The following ADGRB3 variants were observed in gnomAD, a reference collection of about 807,000 sequenced individuals.
ADGRB3 encodes brain-specific angiogenesis inhibitor 3.
In ADGRB3, 37 loss-of-function variants were observed where a neutral mutation model predicts 193.4. The ratio of observed to expected loss-of-function variants is 0.19; its 90% CI spans 0.15 to 0.25. ADGRB3 has a LOEUF of 0.25. Ranked by LOEUF, ADGRB3 falls within the 10% of genes least tolerant of loss-of-function variation. The pLI, the probability that ADGRB3 is intolerant of heterozygous loss-of-function variation, is 1.00. For missense variants in ADGRB3, 1,637 were observed against 1,852.9 expected, an observed-to-expected ratio of 0.88 and a Z score of 2.14; for synonymous variants, 690 against 644.2, an observed-to-expected ratio of 1.07 and a Z score of -1.08.
chr6:68,831,842 C>G (rs1030677923), intron 3 of ADGRB3, among the ~76,000 whole-genome samples: 8 of 152,100 alleles, frequency 5.3e-5, no homozygotes, highest in Non-Finnish European at 1.2e-4. Flanking sequence ...CATTTTCATC[C>G]TTCCTTCATT....
In ADGRB3 at chr6:68,898,353, C is replaced by T. The variant is rs540307339; in HGVS notation, c.758-32206C>T. On this transcript the variant is annotated intron_variant, in intron 3 of 31. Transcript: ENST00000370598. Reference sequence around the variant, plus strand: ...CTCAATGAATTGGATAATGCCCACTCGAATTGGTGAGGGAAAATCTCTTTA... The same window carrying T: ...CTCAATGAATTGGATAATGCCCACTTGAATTGGTGAGGGAAAATCTCTTTA... 2.6e-5 allele frequency among the ~76,000 whole-genome samples: 4 copies of T among 152,138 alleles called. No homozygotes were observed. The East Asian group carries it at 7.7e-4, about 29-fold the overall frequency.
chr6:69,076,107 G>T, intron 17 of ADGRB3, 69 bp downstream of exon 17: 1 of 1,353,556 alleles, frequency 7.4e-7, no homozygotes, highest in Non-Finnish European at 1.0e-6. Flanking sequence ...TAGTTCAGCT[G>T]CCTGCTAGTT....
At chr6:69,148,141 A>G (rs758844179) in intron 17 of ADGRB3, among the ~76,000 whole-genome samples, 1 of 152,094 alleles carries the variant, frequency 6.6e-6, no homozygotes. Context: ...AATGTTATTG[A>G]TAAGTAAGGA....
In ADGRB3 at chr6:69,140,444, A is replaced by T. The variant is rs1774297447; in HGVS notation, c.2480+64406A>T. Among the ~76,000 whole-genome samples, 3 of 152,196 alleles carry T rather than the reference A, an allele frequency of 2.0e-5. 1 individual carries two copies. Among genetic ancestry groups the T allele is most frequent in the African/African-American group, 7.2e-5 (3 of 41,442 alleles). On this transcript the variant is annotated intron_variant, in intron 17 of 31. Transcript: ENST00000370598. ...TGGAAGCTAAAAATTAAAACAATTG[A>T]ACTCATGAAGGTAGAGAGTAGAATG...
intron 3 of ADGRB3, among the ~76,000 whole-genome samples, chr6:68,765,391 G>A (rs1054168770): frequency 3.9e-5 from 6 of 151,964 alleles, no homozygotes; most frequent in African/African-American, 1.2e-4. Flanking sequence ...TCATGCATAG[G>A]CATTAAAGAT....
intron 8 of ADGRB3, among the ~76,000 whole-genome samples, chr6:68,973,118 CAG>C (rs1170642337): frequency 6.6e-6 from 1 of 152,196 alleles, no homozygotes; most frequent in African/African-American, 2.4e-5. Flanking sequence ...TACATATACT[CAG>C]AGGGAGAGGA....
chr6:69,200,950 G>A (rs943905038), intron 17 of ADGRB3, among the ~76,000 whole-genome samples: 4 of 152,050 alleles, frequency 2.6e-5, no homozygotes, highest in African/African-American at 7.2e-5. Flanking sequence ...ATTTATTAAA[G>A]AAGTGCAAAA....
At chr6:69,056,011 A>G (rs1000255934) in intron 15 of ADGRB3, among the ~76,000 whole-genome samples, 3 of 151,880 alleles carry the variant, frequency 2.0e-5, no homozygotes, top group Non-Finnish European at 4.4e-5. Context: ...TTGTATTTTT[A>G]ATAGAGATGA....
intron 17 of ADGRB3, among the ~76,000 whole-genome samples, chr6:69,219,461 G>A (rs868272780): frequency 6.3e-4 from 62 of 98,948 alleles, no homozygotes; most frequent in East Asian, 2.4e-3. Context: ...ACACACACAC[G>A]TATATATATA....
At chr6:69,214,480 G>A (rs926928769) in intron 17 of ADGRB3, among the ~76,000 whole-genome samples, 2 of 152,010 alleles carry the variant, frequency 1.3e-5, no homozygotes, top group African/African-American at 4.8e-5. Context: ...ATATTAAAGA[G>A]CTATGTTTTA....
chr6:69,269,333 A>G (rs1767120912), intron 20 of ADGRB3, among the ~76,000 whole-genome samples: 1 of 152,186 alleles, frequency 6.6e-6, no homozygotes, highest in Admixed American at 6.6e-5. Context: ...TCATTTTCAG[A>G]GAAAAAAACA....
chr6:69,004,659 C>T (rs981951194), intron 11 of ADGRB3, among the ~76,000 whole-genome samples: 7 of 149,502 alleles, frequency 4.7e-5, no homozygotes, highest in East Asian at 2.0e-4. Context: ...TGAGAACATG[C>T]GGTGTTAAGG....
intron 3 of ADGRB3, among the ~76,000 whole-genome samples, chr6:68,802,183 C>T (rs924378508): frequency 4.9e-5 from 7 of 142,826 alleles, no homozygotes; most frequent in South Asian, 4.5e-4. Flanking sequence ...TGCACATATG[C>T]GTGTGTGTGT....
intron 8 of ADGRB3, among the ~76,000 whole-genome samples, chr6:68,961,485 A>G (rs545268118): frequency 1.3e-5 from 2 of 152,266 alleles, no homozygotes; most frequent in South Asian, 4.1e-4. Context: ...GGTGTCATGG[A>G]GGAAGATGAG....
intron 3 of ADGRB3, among the ~76,000 whole-genome samples, chr6:68,865,792 C>G (rs1403954005): frequency 1.3e-5 from 2 of 152,126 alleles, no homozygotes; most frequent in African/African-American, 4.8e-5. Context: ...TCTGCAATTC[C>G]CTTTTTGCTC....
intron 3 of ADGRB3, among the ~76,000 whole-genome samples, chr6:68,927,545 G>T (rs1170179567): frequency 1.3e-5 from 2 of 152,046 alleles, no homozygotes; most frequent in Admixed American, 1.3e-4. Context: ...GGTATGGAGA[G>T]AACCATAACA....
chr6:68,939,052 A>G (rs989790958), intron 5 of ADGRB3, among the ~76,000 whole-genome samples: 4 of 152,138 alleles, frequency 2.6e-5, no homozygotes, highest in Non-Finnish European at 5.9e-5. Context: ...AGGATGACAT[A>G]TGAAAGTTGC....
chr6:69,067,425 A>C (rs1374833155), intron 16 of ADGRB3, among the ~76,000 whole-genome samples: 2 of 152,188 alleles, frequency 1.3e-5, no homozygotes, highest in African/African-American at 2.4e-5. Flanking sequence ...AGTGGAAAAC[A>C]CAGTGACAAC....
intron 3 of ADGRB3, among the ~76,000 whole-genome samples, chr6:68,911,123 T>C (rs1582307610): frequency 6.6e-6 from 1 of 151,984 alleles, no homozygotes; most frequent in South Asian, 2.1e-4. Context: ...TGTAGGGACA[T>C]GGATGAAGCT....
Sources: gnomAD v4.1 joint callset for allele counts (sites outside exome capture counted in the v4.1 genomes callset) on GRCh38, gnomAD v4.1.1 for gene constraint, MANE v1.5 for transcripts, NCBI Gene and HGNC (gene_info 2026-07-23, HGNC 2026-07-21) for gene names.